UNC50: variants seen among roughly 807,000 people sequenced by gnomAD.
The protein encoded by UNC50 is unc-50 inner nuclear membrane RNA binding protein.
In UNC50, 24 loss-of-function variants were observed where a neutral mutation model predicts 31.5. The observed-to-expected ratio is 0.76, with a 90% CI of 0.55 to 1.07. The LOEUF is 1.07. Among genes scored for constraint, UNC50 ranks in the 50% least tolerant of loss-of-function variants. The pLI is 0.00. For synonymous variants in UNC50, 118 were observed against 114.7 expected, an observed-to-expected ratio of 1.03 and a Z score of -0.18; for missense variants, 245 against 304.2, an observed-to-expected ratio of 0.81 and a Z score of 1.45.
At chr2:98,612,688 C>T (rs1217252177) in intron 3 of UNC50, among the ~76,000 whole-genome samples, 1 of 152,190 alleles carries the variant, frequency 6.6e-6, no homozygotes, top group Non-Finnish European at 1.5e-5. Flanking sequence ...GGATTACAGG[C>T]GTGAGCCACC....
chr2:98,613,300 C>T (rs1467362658), intron 3 of UNC50, among the ~76,000 whole-genome samples: 1 of 152,182 alleles, frequency 6.6e-6, no homozygotes, highest in Non-Finnish European at 1.5e-5. Context: ...TAGTTTCATT[C>T]ATAACAAGCA....
chr2:98,618,374 G>GTAAA lies in UNC50; in HGVS notation c.*75_*78dup. On this transcript the variant is annotated 3_prime_UTR_variant, in exon 6 of 6. Coordinates refer to ENST00000357765, the MANE Select transcript of UNC50 (RefSeq NM_014044.7). ...GAAGTGATCATTTCTTGTAAAACTT[G>GTAAA]TAAATAAACTATCATCTTTGTAGAT... 1.4e-6 allele frequency: 2 copies of GTAAA among 1,458,610 alleles called. No individual in the cohort carries two copies. The highest frequency in any genetic ancestry group is 1.8e-6 in the Non-Finnish European group (2 of 1,097,752). 90.4% of individuals were successfully genotyped at this position (1,458,610 alleles called of 1,614,324 possible). A position where few individuals can be genotyped will look rare whatever the true frequency, so the allele number is the denominator to read the frequency against.
At chr2:98,614,151 AC>A (rs1453904237) in intron 3 of UNC50, among the ~76,000 whole-genome samples, 3 of 152,228 alleles carry the variant, frequency 2.0e-5, no homozygotes, top group Admixed American at 1.3e-4. Flanking sequence ...TCAAACTCAC[AC>A]TATCTTTTCC....
At chr2:98,610,684 C>T (rs1347182336) in intron 2 of UNC50, 91 bp from the exon 3 acceptor site, 1 of 1,499,072 alleles carries the variant, frequency 6.7e-7, no homozygotes, top group Non-Finnish European at 9.0e-7. Context: ...GTCTCTCCCA[C>T]TAGCCTGGGC....
intron 3 of UNC50, among the ~76,000 whole-genome samples, chr2:98,612,742 G>A (rs1700856582): frequency 6.6e-6 from 1 of 152,194 alleles, no homozygotes. Flanking sequence ...GTTCAGATAT[G>A]CTAGTTCCAT....
intron 2 of UNC50, among the ~76,000 whole-genome samples, chr2:98,610,350 A>T (rs1258699932): frequency 1.3e-5 from 2 of 152,196 alleles, no homozygotes; most frequent in African/African-American, 4.8e-5. Context: ...TGGAAATTGC[A>T]TTTCACAGGC....
In UNC50 at chr2:98,610,956, G is replaced by C. The variant is rs1700818386; in HGVS notation, c.401+61G>C. On this transcript the variant is annotated intron_variant, in intron 3 of 5. Transcript: ENST00000357765. ...GTAGCATCTCCATTTGTTTGCTTCAGAGGTACAATAGCAGCAGATGGAAAT... is the reference window on the plus strand; with the variant it reads ...GTAGCATCTCCATTTGTTTGCTTCACAGGTACAATAGCAGCAGATGGAAAT... 3.9e-6 allele frequency: 6 copies of C among 1,548,040 alleles called. No individual in the cohort carries two copies. In the East Asian group the frequency reaches 6.9e-5, roughly 18 times the overall value.
Position 98,614,344 on chromosome 2 carries a change from G to C in UNC50, c.402-1863G>C, listed in dbSNP as rs1700886508. On this transcript the variant is annotated intron_variant, in intron 3 of 5. Coordinates refer to ENST00000357765, the MANE Select transcript of UNC50 (RefSeq NM_014044.7). ...GAGGGGGGATCAGGAAGAGGGAGTG[G>C]GTGGGAGGCTCCTTTGGGATGACCT... Among the ~76,000 whole-genome samples, 7 of 152,264 alleles carry C rather than the reference G, an allele frequency of 4.6e-5. No homozygotes were observed. The South Asian group carries it at 1.5e-3, about 32-fold the overall frequency.
At chr2:98,613,458 CTT>C (rs1030582273) in intron 3 of UNC50, among the ~76,000 whole-genome samples, 3 of 152,170 alleles carry the variant, frequency 2.0e-5, no homozygotes, top group African/African-American at 7.2e-5. Flanking sequence ...CCTCAGGAAA[CTT>C]ATAATCATGG....
chr2:98,608,668 T>C lies in UNC50; in HGVS notation c.-63T>C. On this transcript the variant is annotated 5_prime_UTR_variant, in exon 1 of 6. Coordinates refer to ENST00000357765, the MANE Select transcript of UNC50 (RefSeq NM_014044.7). ...CCGCCCGGTGGCGGCTGGGGTCGGC[T>C]GCTGGGAGGAGGTGGTGGGCTGGTT... The C allele has an allele frequency of 1.9e-6, 1 of 533,086 alleles. No individual in the cohort carries two copies. The highest frequency in any genetic ancestry group is 3.4e-6 in the Non-Finnish European group (1 of 296,714). The allele number at this position is 533,086 out of a possible 1,614,324, so 33.0% of individuals were successfully genotyped here.
intron 3 of UNC50, among the ~76,000 whole-genome samples, chr2:98,615,917 A>G (rs1700912124): frequency 6.6e-6 from 1 of 152,174 alleles, no homozygotes. Flanking sequence ...GCCAGGCACC[A>G]TCACTATCCT....
intron 3 of UNC50, among the ~76,000 whole-genome samples, chr2:98,613,038 G>A (rs1338082370): frequency 6.6e-6 from 1 of 152,228 alleles, no homozygotes; most frequent in African/African-American, 2.4e-5. Context: ...AAAAACTACA[G>A]TTTCTGTGAA....
At chr2:98,617,330 C>T (rs914522046) in intron 5 of UNC50, among the ~76,000 whole-genome samples, 1 of 152,178 alleles carries the variant, frequency 6.6e-6, no homozygotes, top group Non-Finnish European at 1.5e-5. Context: ...GTTCTCTCCC[C>T]CCTTGGCTGG....
At chr2:98,616,596 T>C in intron 5 of UNC50, 63 bp downstream of exon 5, 1 of 1,325,230 alleles carries the variant, frequency 7.5e-7, no homozygotes, top group Non-Finnish European at 1.1e-6. Flanking sequence ...GTTGTAACAG[T>C]AGTACAAACA....
At chr2:98,609,427 A>C in intron 1 of UNC50, 1 of 392,804 alleles carries the variant, frequency 2.5e-6, no homozygotes, top group Non-Finnish European at 4.7e-6. Flanking sequence ...ATTTCGAGTC[A>C]GATTTCCAAT....
intron 1 of UNC50, 74 bp downstream of exon 1, chr2:98,608,800 C>T (rs1236053660): frequency 6.9e-6 from 2 of 288,504 alleles, no homozygotes; most frequent in East Asian, 1.2e-4. Context: ...CGACAGCTTG[C>T]GGCCTGACGT....
At position 98,608,887 on chromosome 2, in the gene UNC50, GC is replaced by G. The variant is rs1181653057; in HGVS notation, c.-5+164del. 3 of 249,424 alleles carry G rather than the reference GC, an allele frequency of 1.2e-5. No individual in the cohort carries two copies. In the Admixed American group the frequency reaches 1.6e-4, roughly 14 times the overall value. The allele number at this position is 249,424 out of a possible 1,614,324, so 15.5% of individuals were successfully genotyped here. A position where few individuals can be genotyped will look rare whatever the true frequency, so the allele number is the denominator to read the frequency against. ...AGAGTTGCGGCTAAAATGAAAGGAC[GC>G]CCAGTTACATTTGCATCGTAGATAA... On this transcript the variant is annotated intron_variant, in intron 1 of 5. Transcript: ENST00000357765.
intron 4 of UNC50, 38 bp from the exon 5 acceptor site, chr2:98,616,394 T>G: frequency 6.2e-7 from 1 of 1,613,758 alleles, no homozygotes; most frequent in Non-Finnish European, 8.5e-7. Flanking sequence ...ATTGCATGCA[T>G]TGGTAAAGGG....
chr2:98,616,795 A>T (rs1271832032), intron 5 of UNC50, among the ~76,000 whole-genome samples: 2 of 152,192 alleles, frequency 1.3e-5, no homozygotes, highest in Non-Finnish European at 2.9e-5. Flanking sequence ...CAGATTTTAT[A>T]CTTTCAAGGA....
Sources: allele counts gnomAD v4.1 joint callset (sites outside exome capture counted in the v4.1 genomes callset), GRCh38; gene constraint gnomAD v4.1.1; transcripts MANE v1.5; gene names NCBI Gene and HGNC (gene_info 2026-07-23, HGNC 2026-07-21).